MYO3B: variants seen among roughly 807,000 people sequenced by gnomAD.
MYO3B encodes myosin IIIB.
Under a neutral mutation model 174.6 loss-of-function variants are expected in MYO3B, and 156 were observed. The observed-to-expected ratio is 0.89, with a 90% CI of 0.78 to 1.02. The LOEUF is 1.02. Among genes scored for constraint, MYO3B ranks in the 50% least tolerant of loss-of-function variants. The probability of loss-of-function intolerance (pLI) is 0.00; values close to 1 mark genes in which losing one functional copy is unlikely to be tolerated. For missense variants in MYO3B, 1,632 were observed against 1,639.4 expected (o/e 1.00, Z 0.08); for synonymous variants, 563 against 569.1 (o/e 0.99, Z 0.15).
intron 32 of MYO3B, among the ~76,000 whole-genome samples, chr2:170,610,125 A>G (rs55853399): frequency 0.2 from 29,826 of 152,170 alleles, 3,315 homozygotes; most frequent in East Asian, 0.49. Context: ...TCACGAGGTC[A>G]GGAGATCAAG....
At chr2:170,539,021 A>T (rs1279383885) in intron 30 of MYO3B, among the ~76,000 whole-genome samples, 2 of 152,212 alleles carry the variant, frequency 1.3e-5, no homozygotes, top group African/African-American at 4.8e-5. Context: ...GTCCCATACC[A>T]ATTCATAGTC....
At chr2:170,388,090 A>G (rs2094388872) in intron 14 of MYO3B, among the ~76,000 whole-genome samples, 1 of 151,996 alleles carries the variant, frequency 6.6e-6, no homozygotes, top group Non-Finnish European at 1.5e-5. Flanking sequence ...TATTATTATT[A>G]TTGTAGGACA....
intron 25 of MYO3B, among the ~76,000 whole-genome samples, chr2:170,478,573 G>GTTT (rs34745716): frequency 2.4e-5 from 3 of 126,452 alleles, no homozygotes; most frequent in Non-Finnish European, 3.2e-5. Flanking sequence ...GTTTTTTTGT[G>GTTT]TTTTTTTTTT....
Position 170,579,954 on chromosome 2 carries a change from G to A in MYO3B, c.3733+35966G>A, listed in dbSNP as rs1011192489. On this transcript the variant is annotated intron_variant, in intron 32 of 34. Coordinates refer to ENST00000408978, the MANE Select transcript of MYO3B (RefSeq NM_138995.5). ...CCCAGAGAGGTCAAACAGCTACTCT[G>A]CTATCTAAGAACAGAAATTACAGAG... Among the ~76,000 whole-genome samples, 6 of 152,206 alleles carry A rather than the reference G, an allele frequency of 3.9e-5. No individual in the cohort carries two copies. In the South Asian group the frequency reaches 1.2e-3, roughly 31 times the overall value.
chr2:170,291,597 C>G (rs1435657637), intron 7 of MYO3B, among the ~76,000 whole-genome samples: 1 of 151,946 alleles, frequency 6.6e-6, no homozygotes, highest in East Asian at 1.9e-4. Flanking sequence ...TTTATAATTT[C>G]TTGTAAAATA....
chr2:170,422,305 C>A (rs2094622016), intron 22 of MYO3B, among the ~76,000 whole-genome samples: 1 of 152,150 alleles, frequency 6.6e-6, no homozygotes, highest in Non-Finnish European at 1.5e-5. Flanking sequence ...TGGGCTCAAG[C>A]AGTCCCCCTG....
rs770670978 is a variant in MYO3B, at chr2:170,543,849, CA to C, written c.3637-42del. ...AGCCATGTCCTTAAGGCTGTTTCAT[CA>C]GAGGATAAGAATAATATTTCTCTTA... On this transcript the variant is annotated intron_variant, in intron 31 of 34. Coordinates refer to ENST00000408978, the MANE Select transcript of MYO3B (RefSeq NM_138995.5). 6 of 1,527,588 alleles carry C rather than the reference CA, an allele frequency of 3.9e-6. No homozygotes were observed. In the African/African-American group the frequency reaches 4.1e-5, roughly 10 times the overall value. The allele number at this position is 1,527,588 out of a possible 1,614,324, so 94.6% of individuals were successfully genotyped here. A position where few individuals can be genotyped will look rare whatever the true frequency, so the allele number is the denominator to read the frequency against.
At chr2:170,330,452 T>A (rs569117332) in intron 7 of MYO3B, among the ~76,000 whole-genome samples, 1 of 152,248 alleles carries the variant, frequency 6.6e-6, no homozygotes, top group Non-Finnish European at 1.5e-5. Context: ...GAAAGTTTTT[T>A]AGAAAATTTC....
intron 25 of MYO3B, among the ~76,000 whole-genome samples, chr2:170,473,437 C>T (rs997022283): frequency 1.4e-4 from 22 of 152,200 alleles, no homozygotes; most frequent in African/African-American, 3.9e-4. Flanking sequence ...TGAGCCACTG[C>T]GCCCAGCCGT....
intron 6 of MYO3B, among the ~76,000 whole-genome samples, chr2:170,228,960 C>CAAAAAAAA (rs539746576): frequency 3.1e-5 from 3 of 98,322 alleles, no homozygotes; most frequent in Non-Finnish European, 4.3e-5. Context: ...ATTCCCTTTA[C>CAAAAAAAA]AAAAAAAAAA....
intron 32 of MYO3B, among the ~76,000 whole-genome samples, chr2:170,644,976 T>C (rs1163762521): frequency 6.6e-6 from 1 of 152,148 alleles, no homozygotes; most frequent in East Asian, 1.9e-4. Context: ...GCAAAGATTC[T>C]TGAAAAGGAA....
chr2:170,217,394 A>T lies in MYO3B; in HGVS notation c.602A>T (p.Glu201Val). ...SVGTPFWMAP[E>V]VIACEQQYDS... Reference sequence around the variant, plus strand: ...GGCACCCCGTTCTGGATGGCCCCTGAGGTAAGCTGGAAATACCTAGTTCTT... The same window carrying T: ...GGCACCCCGTTCTGGATGGCCCCTGTGGTAAGCTGGAAATACCTAGTTCTT... The change falls in exon 6 of 35, where the codon GAG becomes GTG. Residue 201 changes from glutamate (E) to valine (V), a missense_variant and splice_region_variant. Transcript: ENST00000408978. 6.2e-7 allele frequency: 1 copy of T among 1,613,364 alleles called. No individual in the cohort carries two copies.
At chr2:170,227,030 C>T (rs148657128) in intron 6 of MYO3B, among the ~76,000 whole-genome samples, 112 of 152,318 alleles carry the variant, frequency 7.4e-4, no homozygotes, top group African/African-American at 2.6e-3. Context: ...GACTGACCTC[C>T]AGTCAGTGCC....
intron 32 of MYO3B, among the ~76,000 whole-genome samples, chr2:170,622,982 T>A (rs1030598293): frequency 6.6e-6 from 1 of 152,206 alleles, no homozygotes; most frequent in Non-Finnish European, 1.5e-5. Flanking sequence ...TTGTTGGACA[T>A]TTGGGTTGGT....
intron 9 of MYO3B, 145 bp from the exon 10 acceptor site, chr2:170,381,871 G>A (rs2105735106): frequency 1.7e-6 from 1 of 595,410 alleles, no homozygotes; most frequent in Non-Finnish European, 3.0e-6. Context: ...GAAAAGCCTG[G>A]GGACCTGGAC....
chr2:170,459,944 C>T (rs111676495), intron 23 of MYO3B, among the ~76,000 whole-genome samples: 2 of 152,260 alleles, frequency 1.3e-5, no homozygotes, highest in Admixed American at 6.5e-5. Context: ...AGCCTGCCCC[C>T]ACCCGGAACT....
intron 32 of MYO3B, among the ~76,000 whole-genome samples, chr2:170,625,007 G>T (rs550982038): frequency 1.3e-5 from 2 of 152,144 alleles, no homozygotes; most frequent in Non-Finnish European, 2.9e-5. Flanking sequence ...TGTTCATCAG[G>T]GATATTGGTC....
chr2:170,388,526 G>A (rs2094391511), intron 14 of MYO3B, among the ~76,000 whole-genome samples: 1 of 152,142 alleles, frequency 6.6e-6, no homozygotes, highest in South Asian at 2.1e-4. Context: ...ACCAGGATAA[G>A]GATCTCAAAC....
intron 5 of MYO3B, among the ~76,000 whole-genome samples, chr2:170,216,704 TAC>T (rs1316282508): frequency 6.6e-6 from 1 of 152,244 alleles, no homozygotes; most frequent in Admixed American, 6.5e-5. Context: ...TTTTTATGTC[TAC>T]ACTGATGCTC....
Sources: gnomAD v4.1 joint callset for allele counts (sites outside exome capture counted in the v4.1 genomes callset) on GRCh38, gnomAD v4.1.1 for gene constraint, MANE v1.5 for transcripts, NCBI Gene and HGNC (gene_info 2026-07-23, HGNC 2026-07-21) for gene names.